The following LTBP4 variants were observed in gnomAD, a reference collection of about 807,000 sequenced individuals.
The protein encoded by LTBP4 is latent transforming growth factor beta binding protein 4, also known as latent-transforming growth factor beta-binding protein 4.
LTBP4 carries 93 observed loss-of-function variants against 180.2 expected under a neutral mutation model. The ratio of observed to expected loss-of-function variants is 0.52; its 90% confidence interval spans 0.44 to 0.61. The LOEUF is 0.61. LTBP4 is among the 20% of genes least tolerant of loss of function. The pLI is 0.00. For synonymous variants in LTBP4, 947 were observed against 934.5 expected, an observed-to-expected ratio of 1.01 and a Z score of -0.24; for missense variants, 2,116 against 2,256.5, an observed-to-expected ratio of 0.94 and a Z score of 1.26.
intron 19 of LTBP4, 101 bp downstream of exon 19, chr19:40,614,547 C>A: frequency 1.4e-6 from 2 of 1,420,512 alleles, no homozygotes; most frequent in Admixed American, 2.2e-5. Flanking sequence ...CAGACTTAGG[C>A]GGAGGGAAAG....
upstream of LTBP4, chr19:40,597,237 G>A (rs2081395809): frequency 6.7e-7 from 1 of 1,498,994 alleles, no homozygotes; most frequent in Non-Finnish European, 8.8e-7. Context: ...CCGACACGAT[G>A]CCGAGGCCTG....
chr19:40,623,053 C>G (rs561027557), intron 24 of LTBP4, 32 bp downstream of exon 24: 3 of 1,553,630 alleles, frequency 1.9e-6, no homozygotes, highest in Non-Finnish European at 1.7e-6. Flanking sequence ...CCACCCCACT[C>G]AGCTCTGAGG....
chr19:40,605,147 GC>G lies in LTBP4; in HGVS notation c.368del (p.Pro123ArgfsTer31). 6.2e-7 allele frequency: 1 copy of G among 1,612,182 alleles called. No individual in the cohort carries two copies. ...GCCAGTTGCACTCCTCGGGCGCCCG[GC>G]CCCCGGCCCCGGCTGTACCAGGCCT... is the stretch of plus-strand genomic sequence containing the variant. ...FCQLHSSGAR[P>X]PAPAVPGLTR... is the part of the protein sequence containing the mutation. On this transcript the variant is annotated frameshift_variant, in exon 2 of 30. Transcript: ENST00000396819. LOFTEE classifies it high-confidence loss of function. This position sits in a 1 kb window ranked among gnomAD's most constrained non-coding sequence, Gnocchi z 5.5.
intron 21 of LTBP4, 113 bp downstream of exon 21, chr19:40,617,338 C>A: frequency 7.3e-7 from 1 of 1,374,280 alleles, no homozygotes; most frequent in Non-Finnish European, 9.8e-7. Context: ...GGAATTTAGA[C>A]TTTGGAATAT....
rs370767377 is a variant in LTBP4, at chr19:40,627,007, C to A, written c.4018C>A (p.Pro1340Thr). The change falls in exon 28 of 30, where the codon CCC (proline) becomes ACC (threonine). Residue 1340 changes from proline to threonine, a missense_variant. This residue lies in a region of LTBP4 where 488 missense variants were observed against 458.8 expected (regional missense o/e 1.06). Coordinates refer to ENST00000396819, the MANE Select transcript of LTBP4 (RefSeq NM_001042545.2). The stretch of plus-strand genomic sequence containing the variant: ...CGAGGCCCTGTGCAATGTGCTACGC[C>A]CCCCCGCATATAGCCCCCCGCGACC... The part of the protein sequence containing the change: ...DFEALCNVLR[P>T]PAYSPPRPGG... 7 of 1,589,524 alleles carry A rather than the reference C, an allele frequency of 4.4e-6. No individual in the cohort carries two copies. Among genetic ancestry groups the A allele is most frequent in the African/African-American group, 4.0e-5 (3 of 74,434 alleles).
chr19:40,608,788 G>T (rs933898330), intron 9 of LTBP4, 185 bp downstream of exon 9: 4 of 575,726 alleles, frequency 6.9e-6, no homozygotes, highest in Admixed American at 6.3e-5. Flanking sequence ...GCAGATGCCT[G>T]TAATCCCAGC....
chr19:40,610,617 C>A lies in LTBP4; in HGVS notation c.1770C>A (p.Pro590=), dbSNP rs566859836. Residue 590 remains proline, a synonymous_variant, in exon 12 of 30, where the codon CCC becomes CCA. Transcript: ENST00000396819. Reference sequence around the variant, plus strand: ...CAGGCAGCTTCCTGTGCGTGTGCCCCGCCGGGTACCAGGCTGCACCGCACG... The same window carrying A: ...CAGGCAGCTTCCTGTGCGTGTGCCCAGCCGGGTACCAGGCTGCACCGCACG... ...NTPGSFLCVC[P]AGYQAAPHGA... 5.0e-6 allele frequency: 8 copies of A among 1,588,708 alleles called. No homozygotes were observed. The highest frequency in any genetic ancestry group is 6.8e-6 in the Non-Finnish European group (8 of 1,174,706).
At chr19:40,606,939 C>CAG (rs2081467189) in intron 6 of LTBP4, among the ~76,000 whole-genome samples, 2 of 152,142 alleles carry the variant, frequency 1.3e-5, no homozygotes, top group African/African-American at 4.8e-5. Flanking sequence ...TTGGTAGAGA[C>CAG]AGGGTTTCGC....
rs1568414558 is a variant in LTBP4, at chr19:40,625,299, TATATATATATATA to T, written c.3833-557_3833-545del. On this transcript the variant is annotated intron_variant, in intron 26 of 29. Coordinates refer to ENST00000396819, the MANE Select transcript of LTBP4 (RefSeq NM_001042545.2). Reference sequence around the variant, plus strand: ...ATATATATATATATATATATATATATATATATATATATATATATTTTTTTTTTTAAAGATGGGT... The same window carrying T: ...ATATATATATATATATATATATATATTATATTTTTTTTTTTAAAGATGGGT... Among the ~76,000 whole-genome samples the T allele has an allele frequency of 5.4e-3, 121 of 22,378 alleles. 24 individuals are homozygous for T. Among genetic ancestry groups the T allele is most frequent in the South Asian group, 7.9e-3 (5 of 636 alleles). 14.7% of individuals were successfully genotyped at this position (22,378 alleles called of 152,430 possible). A position where few individuals can be genotyped will look rare whatever the true frequency, so the allele number is the denominator to read the frequency against.
At chr19:40,598,374 C>T (rs1282484986), upstream of LTBP4, among the ~76,000 whole-genome samples, 1 of 133,146 alleles carries the variant, frequency 7.5e-6, no homozygotes, top group Non-Finnish European at 1.6e-5. Flanking sequence ...CCTCTCTGCA[C>T]CCCCCCACTG....
intron 6 of LTBP4, among the ~76,000 whole-genome samples, chr19:40,606,894 G>A (rs1425527426): frequency 6.6e-6 from 1 of 152,120 alleles, no homozygotes; most frequent in South Asian, 2.1e-4. Context: ...ACTACAGGCG[G>A]GCACCACCAT....
Position 40,624,059 on chromosome 19 carries a change from T to C in LTBP4, c.3809T>C (p.Val1270Ala), listed in dbSNP as rs1316671419. 8 of 1,578,498 alleles carry C rather than the reference T, an allele frequency of 5.1e-6. No individual in the cohort carries two copies. Among genetic ancestry groups the C allele is most frequent in the Non-Finnish European group, 6.9e-6 (8 of 1,158,946 alleles). Residue 1270 changes from valine to alanine, a missense_variant, in exon 26 of 30, where the codon GTC (valine) becomes GCC (alanine). By Grantham distance (64) the Val-to-Ala change is moderately conservative. Coordinates refer to ENST00000396819, the MANE Select transcript of LTBP4 (RefSeq NM_001042545.2). ...LVLDGSQRRCVSNESQSLDDN... is the reference protein window; with the variant it reads ...LVLDGSQRRCASNESQSLDDN... Reference sequence around the variant, plus strand: ...CTGGATGGCTCGCAGCGCCGCTGCGTCTCCAACGAGAGCCAGAGCCTCGGT... The same window carrying C: ...CTGGATGGCTCGCAGCGCCGCTGCGCCTCCAACGAGAGCCAGAGCCTCGGT...
intron 1 of LTBP4, among the ~76,000 whole-genome samples, chr19:40,595,871 C>G (rs1421951912): frequency 2.0e-5 from 3 of 147,968 alleles, no homozygotes; most frequent in Non-Finnish European, 4.5e-5. Context: ...GCTGGGACTA[C>G]TGGCTCATGC....
intron 1 of LTBP4, among the ~76,000 whole-genome samples, chr19:40,602,889 C>T (rs969426934): frequency 8.5e-5 from 13 of 152,180 alleles, no homozygotes; most frequent in Admixed American, 5.9e-4. Context: ...TCAGACCTGG[C>T]TGGTTTCCCA....
chr19:40,597,850 T>C (rs2081399166), upstream of LTBP4, among the ~76,000 whole-genome samples: 1 of 143,298 alleles, frequency 7.0e-6, no homozygotes, highest in Non-Finnish European at 1.5e-5. Context: ...AAGCGACCTT[T>C]GGGTTTTTCG....
chr19:40,624,957 ATG>A (rs2081613555), intron 26 of LTBP4, among the ~76,000 whole-genome samples: 1 of 150,194 alleles, frequency 6.7e-6, no homozygotes, highest in South Asian at 2.1e-4. Flanking sequence ...GACTCTTTGG[ATG>A]TGTTTCTCTC....
intron 15 of LTBP4, 117 bp from the exon 16 acceptor site, chr19:40,612,948 C>T: frequency 1.9e-6 from 2 of 1,027,044 alleles, no homozygotes; most frequent in South Asian, 1.5e-5. Context: ...ATAGAGCCCT[C>T]CCCCAGCCTC....
chr19:40,608,163 G>A (rs2081476726), intron 7 of LTBP4, 57 bp from the exon 8 acceptor site: 2 of 1,599,222 alleles, frequency 1.3e-6, no homozygotes, highest in South Asian at 1.1e-5. Context: ...GTCTGGGCTG[G>A]CCATCGTTTT....
At position 40,622,254 on chromosome 19, in the gene LTBP4, G is replaced by T; in HGVS notation, c.3218-147G>T. The stretch of plus-strand genomic sequence containing the variant: ...GGGAGAAAGAGAAACAGTGACAGAG[G>T]AGCGTGAGAGGTGTGGAGTCTGGTT... On this transcript the variant is annotated intron_variant, in intron 22 of 29. Transcript: ENST00000396819. This position sits in a 1 kb window ranked among gnomAD's most constrained non-coding sequence, Gnocchi z 5.1. The T allele has an allele frequency of 1.3e-6, 1 of 783,556 alleles. No homozygotes were observed. Among genetic ancestry groups the T allele is most frequent in the South Asian group, 2.3e-5 (1 of 43,534 alleles). 48.5% of individuals were successfully genotyped at this position (783,556 alleles called of 1,614,324 possible).
Sources: gnomAD v4.1 joint callset for allele counts (sites outside exome capture counted in the v4.1 genomes callset) on GRCh38, gnomAD v4.1.1 for gene constraint, gnomAD v4.1.1 regional missense constraint, Gnocchi (gnomAD v3.1) non-coding constraint, MANE v1.5 for transcripts, NCBI Gene and HGNC (gene_info 2026-07-23, HGNC 2026-07-21) for gene names.